The following TGS1 variants were observed in gnomAD, a reference collection of about 807,000 sequenced individuals.
The protein encoded by TGS1 is trimethylguanosine synthase.
Under a neutral mutation model 92.2 loss-of-function variants are expected in TGS1, and 69 were observed. That is an observed-to-expected ratio of 0.75 (90% CI 0.62 to 0.91). The LOEUF (loss-of-function observed/expected upper bound fraction) is 0.91. Among genes scored for constraint, TGS1 ranks in the 40% least tolerant of loss-of-function variants. TGS1 has a pLI of 0.00. For synonymous variants in TGS1, 345 were observed against 338.1 expected (o/e 1.02, Z -0.22); for missense variants, 1,062 against 1,001.2 (o/e 1.06, Z -0.82).
At chr8:55,775,075 C>T (rs1811349286) in intron 1 of TGS1, among the ~76,000 whole-genome samples, 6 of 152,084 alleles carry the variant, frequency 3.9e-5, no homozygotes. Context: ...CATAACAACA[C>T]CTCATCTGTA....
chr8:55,813,094 T>G lies in TGS1; in HGVS notation c.2415T>G (p.Leu805=), dbSNP rs1194436984. The change falls in exon 12 of 13, where the codon CTT becomes CTG. Residue 805 remains leucine (L), a synonymous_variant. Coordinates refer to ENST00000260129, the MANE Select transcript of TGS1 (RefSeq NM_024831.8). ...KKITNNIVYF[L]PRNADIDQVA... is the part of the protein sequence containing the mutation. ...TCACTAATAATATTGTTTATTTTCT[T>G]CCAAGAAATGCTGATATTGACCAGG... is the stretch of plus-strand genomic sequence containing the variant. 8 of 1,610,604 alleles carry G rather than the reference T, an allele frequency of 5.0e-6. No individual in the cohort carries two copies. Among genetic ancestry groups the G allele is most frequent in the Non-Finnish European group, 6.8e-6 (8 of 1,177,724 alleles).
At chr8:55,786,111 G>A in intron 3 of TGS1, 127 bp from the exon 4 acceptor site, 1 of 708,908 alleles carries the variant, frequency 1.4e-6, no homozygotes, top group Non-Finnish European at 2.3e-6. Flanking sequence ...ACTTGTTTGT[G>A]GAGCTAAAAG....
At chr8:55,809,712 G>T (rs575250670) in intron 10 of TGS1, among the ~76,000 whole-genome samples, 1 of 152,300 alleles carries the variant, frequency 6.6e-6, no homozygotes, top group Admixed American at 6.5e-5. Context: ...TGGGATTACA[G>T]GCATGAGCCA....
chr8:55,775,413 A>C (rs2130089572), intron 1 of TGS1, among the ~76,000 whole-genome samples: 1 of 152,322 alleles, frequency 6.6e-6, no homozygotes, highest in Middle Eastern at 3.4e-3. Flanking sequence ...CTCAGGCGGC[A>C]GTGTGGAGGA....
At chr8:55,801,582 C>CCTTT (rs1214681045) in intron 8 of TGS1, among the ~76,000 whole-genome samples, 28 of 48,216 alleles carry the variant, frequency 5.8e-4, no homozygotes, top group African/African-American at 1.3e-3. Context: ...CCCCATCGTT[C>CCTTT]TTTTTTTTTT....
intron 7 of TGS1, among the ~76,000 whole-genome samples, chr8:55,796,833 A>G (rs1336858398): frequency 6.6e-6 from 1 of 151,668 alleles, no homozygotes; most frequent in Admixed American, 6.6e-5. Flanking sequence ...TCTACTAAAA[A>G]TATAAAAATT....
At chr8:55,820,273 G>T (rs1464064274) in intron 12 of TGS1, among the ~76,000 whole-genome samples, 1 of 152,102 alleles carries the variant, frequency 6.6e-6, no homozygotes, top group Non-Finnish European at 1.5e-5. Flanking sequence ...TGCTCCAGGC[G>T]CAGTGGCTTA....
At chr8:55,808,511 C>CTTTTTTT (rs59912731) in intron 10 of TGS1, among the ~76,000 whole-genome samples, 1 of 117,932 alleles carries the variant, frequency 8.5e-6, no homozygotes, top group Admixed American at 8.6e-5. Flanking sequence ...TTCTTTTTTT[C>CTTTTTTT]TTTTTTTTTT....
chr8:55,791,667 C>T (rs563280920), intron 5 of TGS1, among the ~76,000 whole-genome samples: 1 of 152,286 alleles, frequency 6.6e-6, no homozygotes, highest in Admixed American at 6.5e-5. Context: ...GAAACTCTAA[C>T]CTTTTCCTCT....
At chr8:55,796,633 A>G (rs1303015821) in intron 7 of TGS1, among the ~76,000 whole-genome samples, 1 of 151,812 alleles carries the variant, frequency 6.6e-6, no homozygotes, top group Non-Finnish European at 1.5e-5. Context: ...GGTTGCAGTG[A>G]GCCGAGATCG....
Position 55,819,288 on chromosome 8 carries a change from ATTTTTTTTTT to A in TGS1, c.2440-5277_2440-5268del, listed in dbSNP as rs201975270. Among the ~76,000 whole-genome samples, 2 of 75,018 alleles carry A rather than the reference ATTTTTTTTTT, an allele frequency of 2.7e-5. 1 individual carries two copies. The highest frequency in any genetic ancestry group is 7.5e-4 in the East Asian group (2 of 2,676). The allele number at this position is 75,018 out of a possible 152,430, so 49.2% of individuals were successfully genotyped here. A position where few individuals can be genotyped will look rare whatever the true frequency, so the allele number is the denominator to read the frequency against. Reference sequence around the variant, plus strand: ...TAGGTTAGCTTGTGATGCCTGGGAGATTTTTTTTTTTTTTTTTTTTTTTTTGAGATGGAGT... The same window carrying A: ...TAGGTTAGCTTGTGATGCCTGGGAGATTTTTTTTTTTTTTTGAGATGGAGT... On this transcript the variant is annotated intron_variant, in intron 12 of 12. Coordinates refer to ENST00000260129, the MANE Select transcript of TGS1 (RefSeq NM_024831.8).
In TGS1 at chr8:55,786,328, A is replaced by C; in HGVS notation, c.430A>C (p.Lys144Gln). 2.5e-6 allele frequency: 4 copies of C among 1,606,832 alleles called. No individual in the cohort carries two copies. The highest frequency in any genetic ancestry group is 1.7e-6 in the Non-Finnish European group (2 of 1,176,042). ...LDEIVQESWRKEYEEDDILAS... is the reference protein window; with the variant it reads ...LDEIVQESWRQEYEEDDILAS... Reference sequence around the variant, plus strand: ...TGAAATTGTGCAAGAATCTTGGAGAAAAGAATATGAAGAAGACGACATTTT... The same window carrying C: ...TGAAATTGTGCAAGAATCTTGGAGACAAGAATATGAAGAAGACGACATTTT... Residue 144 changes from lysine (K) to glutamine (Q), a missense_variant, in exon 4 of 13, where the codon AAA (lysine) becomes CAA (glutamine). Lys to Gln is a moderately conservative substitution (Grantham distance 53, BLOSUM62 1). Coordinates refer to ENST00000260129, the MANE Select transcript of TGS1 (RefSeq NM_024831.8).
Position 55,779,077 on chromosome 8 carries a change from A to T in TGS1, c.102-3671A>T, listed in dbSNP as rs774578680. Among the ~76,000 whole-genome samples, 67 of 152,334 alleles carry T rather than the reference A, an allele frequency of 4.4e-4. 1 individual carries two copies. Among genetic ancestry groups the T allele is most frequent in the Non-Finnish European group, 7.3e-4 (50 of 68,034 alleles). The stretch of plus-strand genomic sequence containing the variant: ...TTTAGTCCTTACGTGTGCCAGGTCC[A>T]GAAATTACAACAAATCTTCTATTTT... On this transcript the variant is annotated intron_variant, in intron 1 of 12. Transcript: ENST00000260129.
chr8:55,796,749 G>C lies in TGS1; in HGVS notation c.1542+597G>C, dbSNP rs541211303. ...CTTACACCTGTAATCCCAGCACTTA[G>C]GGAGGCTGAGGCGGATGGATCACCT... On this transcript the variant is annotated intron_variant, in intron 7 of 12. Coordinates refer to ENST00000260129, the MANE Select transcript of TGS1 (RefSeq NM_024831.8). 6.6e-5 allele frequency among the ~76,000 whole-genome samples: 10 copies of C among 152,254 alleles called. No individual in the cohort carries two copies. The South Asian group carries it at 2.1e-3, about 32-fold the overall frequency.
intron 12 of TGS1, among the ~76,000 whole-genome samples, chr8:55,817,390 G>C (rs529121613): frequency 2.0e-5 from 3 of 152,268 alleles, no homozygotes; most frequent in African/African-American, 7.2e-5. Flanking sequence ...GTAAGTATTT[G>C]AATAATGTAT....
chr8:55,804,982 G>A lies in TGS1; in HGVS notation c.2089G>A (p.Ala697Thr), dbSNP rs765338599. ...CTTCAAGTGTGACGTTGTAGTAGAC[G>A]CATTCTGTGGAGTTGGAGGAAATAC... is the stretch of plus-strand genomic sequence containing the variant. The part of the protein sequence containing the change: ...QSFKCDVVVD[A>T]FCGVGGNTIQ... Residue 697 changes from alanine (A) to threonine (T), a missense_variant, in exon 10 of 13, where the codon GCA becomes ACA. Transcript: ENST00000260129. 66 of 1,613,812 alleles carry A rather than the reference G, an allele frequency of 4.1e-5. No individual in the cohort carries two copies. Among genetic ancestry groups the A allele is most frequent in the Non-Finnish European group, 5.1e-5 (60 of 1,179,930 alleles).
Position 55,795,993 on chromosome 8 carries a change from A to G in TGS1, c.1383A>G (p.Pro461=). The change falls in exon 7 of 13, where the codon CCA becomes CCG. Residue 461 remains proline (P), a synonymous_variant. Transcript: ENST00000260129. ...TCTGTCACAGATATGGTGGAATCCCAAATTTCAGTCATCGGCAGGTCAGGT... is the reference window on the plus strand; with the variant it reads ...TCTGTCACAGATATGGTGGAATCCCGAATTTCAGTCATCGGCAGGTCAGGT... The part of the protein sequence containing the change: ...YGSGQKYGGI[P]NFSHRQVRYL... 6.2e-7 allele frequency: 1 copy of G among 1,613,378 alleles called. No homozygotes were observed. The highest frequency in any genetic ancestry group is 8.5e-7 in the Non-Finnish European group (1 of 1,179,730).
At chr8:55,801,217 A>G (rs1234161914) in intron 8 of TGS1, among the ~76,000 whole-genome samples, 2 of 152,202 alleles carry the variant, frequency 1.3e-5, no homozygotes, top group African/African-American at 2.4e-5. Context: ...ATTTCTACAT[A>G]TGTCCTGTCA....
chr8:55,783,492 T>TA (rs979337368), intron 2 of TGS1, among the ~76,000 whole-genome samples: 3 of 152,054 alleles, frequency 2.0e-5, no homozygotes, highest in African/African-American at 2.4e-5. Flanking sequence ...TGCTGCAGGA[T>TA]AAAAAAATGC....
Sources: allele counts gnomAD v4.1 joint callset (sites outside exome capture counted in the v4.1 genomes callset), GRCh38; gene constraint gnomAD v4.1.1; transcripts MANE v1.5; gene names NCBI Gene and HGNC (gene_info 2026-07-23, HGNC 2026-07-21).